The following PLCE1 variants were observed in gnomAD, a reference collection of about 807,000 sequenced individuals.
The protein encoded by PLCE1 is phospholipase C epsilon 1.
A neutral mutation model predicts 242.8 loss-of-function variants in PLCE1; 119 were observed. That is an observed-to-expected ratio of 0.49 (90% CI 0.42 to 0.57). The LOEUF (loss-of-function observed/expected upper bound fraction) is 0.57, where lower values mean the gene tolerates loss of function less well. Ranked by LOEUF, PLCE1 falls within the 20% of genes least tolerant of loss-of-function variation. The probability of loss-of-function intolerance (pLI) is 0.00; values close to 1 mark genes in which losing one functional copy is unlikely to be tolerated. For synonymous variants in PLCE1, 945 were observed against 1,017.4 expected (o/e 0.93, Z 1.35); for missense variants, 2,441 against 2,788.8 (o/e 0.88, Z 2.81).
intron 2 of PLCE1, among the ~76,000 whole-genome samples, chr10:94,063,143 C>G (rs560823526): frequency 6.6e-6 from 1 of 152,214 alleles, no homozygotes. Context: ...CTATGCTATG[C>G]GCAAGCTCTG....
At chr10:94,280,266 T>G (rs940179570) in intron 20 of PLCE1, 1 of 340,056 alleles carries the variant, frequency 2.9e-6, no homozygotes, top group African/African-American at 2.1e-5. Flanking sequence ...TCCTTTCTCC[T>G]GCACCACCGG....
chr10:94,132,075 C>T (rs978465845), intron 2 of PLCE1, 99 bp from the exon 3 acceptor site: 1 of 1,153,474 alleles, frequency 8.7e-7, no homozygotes, highest in African/African-American at 1.5e-5. Flanking sequence ...AGCATCTGAG[C>T]CTTCTTTCTT....
intron 3 of PLCE1, among the ~76,000 whole-genome samples, chr10:94,159,386 C>G (rs2047536280): frequency 6.6e-6 from 1 of 152,174 alleles, no homozygotes; most frequent in Non-Finnish European, 1.5e-5. Context: ...AAGCAATTTT[C>G]AGCTCTTCCT....
At chr10:94,036,172 C>T (rs117381094) in intron 2 of PLCE1, among the ~76,000 whole-genome samples, 314 of 152,178 alleles carry the variant, frequency 2.1e-3, no homozygotes, top group Non-Finnish European at 2.5e-3. Flanking sequence ...GTTATTGTGG[C>T]GTTAAATGAG....
intron 2 of PLCE1, among the ~76,000 whole-genome samples, chr10:94,082,438 G>A (rs1042601949): frequency 1.3e-5 from 2 of 152,160 alleles, no homozygotes; most frequent in African/African-American, 4.8e-5. Flanking sequence ...CTGCTCCCGG[G>A]ACTGGAGAGA....
chr10:94,325,065 G>A lies in PLCE1; in HGVS notation c.6894G>A (p.Met2298Ile). 1 of 1,614,060 alleles carries A rather than the reference G, an allele frequency of 6.2e-7. No individual in the cohort carries two copies. Among genetic ancestry groups the A allele is most frequent in the Non-Finnish European group, 8.5e-7 (1 of 1,179,944 alleles). Residue 2298 changes from methionine to isoleucine, a missense_variant, in exon 32 of 33, where the codon ATG becomes ATA. Coordinates refer to ENST00000371380, the MANE Select transcript of PLCE1 (RefSeq NM_016341.4). ...GTGGCTTGTCCTCCAGTGACACAAT[G>A]GATTACCGACAGTGACTAAGGGCAG... ...PVGGLSSSDT[M>I]DYRQ
chr10:94,119,810 T>A (rs1304477749), intron 2 of PLCE1, among the ~76,000 whole-genome samples: 2 of 152,232 alleles, frequency 1.3e-5, no homozygotes, highest in East Asian at 1.9e-4. Context: ...TTATTTTATC[T>A]CTAGCTACTG....
chr10:94,234,233 AG>A lies in PLCE1; in HGVS notation c.2136del (p.Glu712AspfsTer13). 6.2e-7 allele frequency: 1 copy of A among 1,614,028 alleles called. No homozygotes were observed. The highest frequency in any genetic ancestry group is 1.7e-5 in the Admixed American group (1 of 60,020). ...VVPFCGVFLK[E>X]LCEVLDGASG... is the part of the protein sequence containing the mutation. ...CCATTCTGTGGGGTGTTTCTGAAGGAGCTCTGTGAAGTGCTTGACGGCGCCT... is the reference window on the plus strand; with the variant it reads ...CCATTCTGTGGGGTGTTTCTGAAGGACTCTGTGAAGTGCTTGACGGCGCCT... On this transcript the variant is annotated frameshift_variant, in exon 6 of 33. Transcript: ENST00000371380. LOFTEE classifies it high-confidence loss of function.
chr10:94,171,964 C>T (rs773778372), intron 4 of PLCE1, among the ~76,000 whole-genome samples: 10 of 152,134 alleles, frequency 6.6e-5, no homozygotes, highest in Non-Finnish European at 1.2e-4. Context: ...AGGCAGGAAA[C>T]GTGGGGCAAT....
chr10:94,103,650 A>T (rs951762669), intron 2 of PLCE1, among the ~76,000 whole-genome samples: 2 of 151,914 alleles, frequency 1.3e-5, no homozygotes, highest in Non-Finnish European at 2.9e-5. Context: ...AAAGTATAAT[A>T]AAAAAAAGGA....
intron 3 of PLCE1, among the ~76,000 whole-genome samples, chr10:94,168,547 C>A (rs956583858): frequency 6.6e-6 from 1 of 152,182 alleles, no homozygotes; most frequent in African/African-American, 2.4e-5. Context: ...TAGGGTTACA[C>A]TGACCAGGTT....
At chr10:94,000,550 A>G (rs1473059753) in intron 1 of PLCE1, among the ~76,000 whole-genome samples, 3 of 152,382 alleles carry the variant, frequency 2.0e-5, no homozygotes, top group East Asian at 1.9e-4. Flanking sequence ...AGAACTGTAC[A>G]TGGGCTAGAA....
chr10:94,088,893 G>A (rs577090655), intron 2 of PLCE1: 5 of 451,054 alleles, frequency 1.1e-5, no homozygotes, highest in Admixed American at 3.9e-5. Context: ...TTACTAAAAC[G>A]CAAGGACATT....
chr10:94,109,409 ACCAGCCTGGC>A (rs1462874539), intron 2 of PLCE1, among the ~76,000 whole-genome samples: 2 of 152,206 alleles, frequency 1.3e-5, no homozygotes. Context: ...GGAGTTCGAG[ACCAGCCTGGC>A]CAACATAGTG....
chr10:93,994,857 T>G (rs2060791528), intron 1 of PLCE1, among the ~76,000 whole-genome samples: 1 of 152,254 alleles, frequency 6.6e-6, no homozygotes, highest in Non-Finnish European at 1.5e-5. Context: ...CTTAACCAAT[T>G]ATTCAGTGTA....
At chr10:94,127,122 T>C (rs1032559620) in intron 2 of PLCE1, among the ~76,000 whole-genome samples, 22 of 152,246 alleles carry the variant, frequency 1.4e-4, no homozygotes, top group African/African-American at 5.1e-4. Flanking sequence ...TGTTATGTAA[T>C]TAAAATACTT....
rs566737507 is a variant in PLCE1, at chr10:94,166,977, C to T, written c.1493-4203C>T. 4.6e-5 allele frequency among the ~76,000 whole-genome samples: 7 copies of T among 152,180 alleles called. No homozygotes were observed. The South Asian group carries it at 1.5e-3, about 32-fold the overall frequency. On this transcript the variant is annotated intron_variant, in intron 3 of 32. Coordinates refer to ENST00000371380, the MANE Select transcript of PLCE1 (RefSeq NM_016341.4). ...CTTTTGCAGAAAAATATGAGACAAT[C>T]ACTAACAGTCTAGTTAAGATATGCT...
At chr10:94,251,582 G>A (rs993841507) in intron 8 of PLCE1, among the ~76,000 whole-genome samples, 1 of 152,184 alleles carries the variant, frequency 6.6e-6, no homozygotes, top group East Asian at 1.9e-4. Flanking sequence ...GACTTATGGG[G>A]AGAATCATTG....
At chr10:94,045,343 C>T (rs1318998033) in intron 2 of PLCE1, among the ~76,000 whole-genome samples, 2 of 151,864 alleles carry the variant, frequency 1.3e-5, no homozygotes, top group Non-Finnish European at 2.9e-5. Context: ...ACGTTGTTGC[C>T]CAGGTTTGTC....
Sources: gnomAD v4.1 joint callset for allele counts (sites outside exome capture counted in the v4.1 genomes callset) on GRCh38, gnomAD v4.1.1 for gene constraint, MANE v1.5 for transcripts, NCBI Gene and HGNC (gene_info 2026-07-23, HGNC 2026-07-21) for gene names.